Variants in GLG1 observed in about 807,000 individuals in gnomAD.
GLG1 encodes the protein golgi glycoprotein 1.
A neutral mutation model predicts 160.5 loss-of-function variants in GLG1; 38 were observed. The ratio of observed to expected loss-of-function variants is 0.24; its 90% CI spans 0.18 to 0.31. The LOEUF (loss-of-function observed/expected upper bound fraction) is 0.31, where lower values mean the gene tolerates loss of function less well. Among genes scored for constraint, GLG1 ranks in the 10% least tolerant of loss-of-function variants. GLG1 has a pLI of 1.00. For missense variants in GLG1, 1,373 were observed against 1,505.2 expected (o/e 0.91, Z 1.45); for synonymous variants, 644 against 543.4 (o/e 1.19, Z -2.57).
chr16:74,590,695 G>A (rs1157932833), intron 1 of GLG1, among the ~76,000 whole-genome samples: 1 of 150,076 alleles, frequency 6.7e-6, no homozygotes. Flanking sequence ...TACTCAGGAG[G>A]CTGAGGCAGG....
At chr16:74,474,424 AG>A in intron 13 of GLG1, 121 bp downstream of exon 13, 1 of 673,290 alleles carries the variant, frequency 1.5e-6, no homozygotes, top group South Asian at 1.7e-5. Flanking sequence ...AAATTTGATC[AG>A]GTTTCTTTTG....
chr16:74,500,172 C>G (rs77716979), intron 4 of GLG1, among the ~76,000 whole-genome samples: 2,127 of 152,220 alleles, frequency 0.014, 37 homozygotes, highest in African/African-American at 0.049. Flanking sequence ...AAATATTTGA[C>G]AGCGAAGACT....
chr16:74,513,899 G>A (rs1288667514), intron 2 of GLG1, among the ~76,000 whole-genome samples: 1 of 152,112 alleles, frequency 6.6e-6, no homozygotes, highest in Non-Finnish European at 1.5e-5. Flanking sequence ...TTGAAAAAAG[G>A]TTAGACAAAT....
chr16:74,503,846 C>G, intron 3 of GLG1, 100 bp from the exon 4 acceptor site: 1 of 780,414 alleles, frequency 1.3e-6, no homozygotes, highest in Non-Finnish European at 2.1e-6. Context: ...TGTTGATTTC[C>G]TAATTCTTTA....
intron 3 of GLG1, among the ~76,000 whole-genome samples, chr16:74,507,162 T>G (rs1466238558): frequency 6.6e-6 from 1 of 152,196 alleles, no homozygotes; most frequent in African/African-American, 2.4e-5. Context: ...TTTCCCTGAC[T>G]CCAGTATAAT....
At chr16:74,496,081 C>T (rs571140856) in intron 5 of GLG1, among the ~76,000 whole-genome samples, 4 of 152,216 alleles carry the variant, frequency 2.6e-5, no homozygotes, top group Admixed American at 2.6e-4. Context: ...CCGGGCAATA[C>T]AGCAATGCCC....
intron 13 of GLG1, among the ~76,000 whole-genome samples, chr16:74,473,318 ATCC>A (rs987475982): frequency 2.0e-5 from 3 of 151,134 alleles, no homozygotes; most frequent in African/African-American, 7.3e-5. Context: ...GGTTCAAGTG[ATCC>A]TCCTGCCTCA....
At chr16:74,502,616 T>C (rs1310179219) in intron 4 of GLG1, among the ~76,000 whole-genome samples, 5 of 151,772 alleles carry the variant, frequency 3.3e-5, no homozygotes, top group Non-Finnish European at 7.4e-5. Context: ...CGATCTCGGC[T>C]CACTGCAAGC....
chr16:74,518,392 A>G (rs566762230), intron 2 of GLG1, among the ~76,000 whole-genome samples: 1 of 152,236 alleles, frequency 6.6e-6, no homozygotes, highest in South Asian at 2.1e-4. Flanking sequence ...CAAAAATATC[A>G]CCAGATGTCT....
intron 1 of GLG1, among the ~76,000 whole-genome samples, chr16:74,569,805 C>T (rs1003396157): frequency 2.0e-5 from 3 of 147,266 alleles, no homozygotes; most frequent in East Asian, 2.0e-4. Flanking sequence ...AGAGTTCCAG[C>T]GAGCCAAGAT....
At chr16:74,501,879 T>C (rs2016415687) in intron 4 of GLG1, among the ~76,000 whole-genome samples, 1 of 152,210 alleles carries the variant, frequency 6.6e-6, no homozygotes, top group African/African-American at 2.4e-5. Context: ...GTCCTTTCTT[T>C]ATTTGCCTGA....
In GLG1 at chr16:74,448,264, G is replaced by T. The variant is rs1284615597; in HGVS notation, c.*4903C>A. On this transcript the variant is annotated 3_prime_UTR_variant, in exon 26 of 26. Coordinates refer to ENST00000422840, the MANE Select transcript of GLG1 (RefSeq NM_001145667.2). ...CAAAGACCAATGGGAGGGAAGGCAGGCAAGAACCTCAGACCCGGCCCCACG... is the reference window on the plus strand; with the variant it reads ...CAAAGACCAATGGGAGGGAAGGCAGTCAAGAACCTCAGACCCGGCCCCACG... The T allele has an allele frequency of 6.6e-6, 1 of 152,268 alleles. No homozygotes were observed. The highest frequency in any genetic ancestry group is 2.4e-5 in the African/African-American group (1 of 41,436). 9.4% of individuals were successfully genotyped at this position (152,268 alleles called of 1,614,324 possible).
At chr16:74,518,786 G>C (rs2017066034) in intron 2 of GLG1, among the ~76,000 whole-genome samples, 1 of 152,104 alleles carries the variant, frequency 6.6e-6, no homozygotes, top group African/African-American at 2.4e-5. Context: ...GAACATTTTT[G>C]CAATCTATCC....
At chr16:74,497,298 AC>A (rs1316160816) in intron 4 of GLG1, among the ~76,000 whole-genome samples, 3 of 139,142 alleles carry the variant, frequency 2.2e-5, no homozygotes, top group East Asian at 4.1e-4. Flanking sequence ...AAAAAAACAC[AC>A]ACACACACAC....
At chr16:74,453,907 C>G (rs1212561006) in intron 25 of GLG1, among the ~76,000 whole-genome samples, 1 of 145,652 alleles carries the variant, frequency 6.9e-6, no homozygotes, top group Non-Finnish European at 1.5e-5. Flanking sequence ...CAAAGTCTTA[C>G]TGTTACCCAG....
chr16:74,490,214 C>T (rs4888246), intron 8 of GLG1, among the ~76,000 whole-genome samples: 14,470 of 152,164 alleles, frequency 0.095, 1,090 homozygotes, highest in South Asian at 0.35. Flanking sequence ...AAGGGATGTA[C>T]TAAATCTCTA....
intron 8 of GLG1, among the ~76,000 whole-genome samples, chr16:74,488,094 T>C (rs1390442553): frequency 1.3e-5 from 2 of 152,128 alleles, no homozygotes; most frequent in South Asian, 2.1e-4. Context: ...GGAGAGTAAG[T>C]ACTGAACAAG....
intron 1 of GLG1, among the ~76,000 whole-genome samples, chr16:74,570,251 C>A (rs1346756025): frequency 6.6e-6 from 1 of 152,108 alleles, no homozygotes; most frequent in Non-Finnish European, 1.5e-5. Context: ...CTCCAGCTGT[C>A]TAATAAACTT....
At chr16:74,565,507 A>T (rs2018629989) in intron 1 of GLG1, among the ~76,000 whole-genome samples, 1 of 152,198 alleles carries the variant, frequency 6.6e-6, no homozygotes, top group Non-Finnish European at 1.5e-5. Flanking sequence ...GTAACAAGTA[A>T]CTCAGTCTCC....
Sources: allele counts gnomAD v4.1 joint callset (sites outside exome capture counted in the v4.1 genomes callset), GRCh38; gene constraint gnomAD v4.1.1; transcripts MANE v1.5; gene names NCBI Gene and HGNC (gene_info 2026-07-23, HGNC 2026-07-21).